PTK7: variants seen among roughly 807,000 people sequenced by gnomAD.
PTK7 encodes the protein protein tyrosine kinase 7 (inactive), also known as inactive tyrosine-protein kinase 7.
Under a neutral mutation model 116.6 loss-of-function variants are expected in PTK7, and 39 were observed. The observed-to-expected ratio is 0.33, with a 90% CI of 0.26 to 0.44. The LOEUF is 0.44. Among genes scored for constraint, PTK7 ranks in the 20% least tolerant of loss-of-function variants. PTK7 has a pLI of 1.00. For synonymous variants in PTK7, 546 were observed against 563.6 expected (o/e 0.97, Z 0.44); for missense variants, 1,169 against 1,425.6 (o/e 0.82, Z 2.90).
At chr6:43,138,622 A>T in intron 7 of PTK7, 1 of 461,206 alleles carries the variant, frequency 2.2e-6, no homozygotes, top group Non-Finnish European at 3.8e-6. Context: ...TAATTGTGTC[A>T]CTCTACTCCA....
Position 43,145,239 on chromosome 6 carries a change from A to G in PTK7, c.2447A>G (p.Gln816Arg). 1 of 1,613,196 alleles carries G rather than the reference A, an allele frequency of 6.2e-7. No homozygotes were observed. The highest frequency in any genetic ancestry group is 8.5e-7 in the Non-Finnish European group (1 of 1,179,398). The change falls in exon 16 of 20, where the codon CAG (glutamine) becomes CGG (arginine). Residue 816 changes from glutamine to arginine, a missense_variant. By Grantham distance (43) the Gln-to-Arg change is conservative. This residue lies in a region of PTK7 where 678 missense variants were observed against 853.8 expected (regional missense o/e 0.79). Coordinates refer to ENST00000230419, the MANE Select transcript of PTK7 (RefSeq NM_002821.5). The surrounding 1 kb of genome is among the most constrained non-coding windows in gnomAD (Gnocchi z 4.8). ...GGGGAGGTGTTCCTGGCAAAGGCTC[A>G]GGGCTTGGAGGAGGGAGTGGCAGAG... The part of the protein sequence containing the change: ...EFGEVFLAKA[Q>R]GLEEGVAETL...
Position 43,143,730 on chromosome 6 carries a change from G to A in PTK7, c.2251+110G>A, listed in dbSNP as rs1186173082. 10 of 1,232,940 alleles carry A rather than the reference G, an allele frequency of 8.1e-6. No individual in the cohort carries two copies. The highest frequency in any genetic ancestry group is 8.9e-6 in the Non-Finnish European group (8 of 902,122). 76.4% of individuals were successfully genotyped at this position (1,232,940 alleles called of 1,614,324 possible). On this transcript the variant is annotated intron_variant, in intron 14 of 19. Coordinates refer to ENST00000230419, the MANE Select transcript of PTK7 (RefSeq NM_002821.5). This position sits in a 1 kb window ranked among gnomAD's most constrained non-coding sequence, Gnocchi z 4.2. Reference sequence around the variant, plus strand: ...TCTGGAAACCGAGCGGCTGTTGCTGGGTCCTGGAGCTGGGACTGCCCCACC... The same window carrying A: ...TCTGGAAACCGAGCGGCTGTTGCTGAGTCCTGGAGCTGGGACTGCCCCACC...
intron 17 of PTK7, among the ~76,000 whole-genome samples, chr6:43,157,271 G>A (rs1343057451): frequency 7.4e-6 from 1 of 135,270 alleles, no homozygotes; most frequent in African/African-American, 2.8e-5. Context: ...AGTCATATGG[G>A]TCTATATGCC....
Position 43,131,420 on chromosome 6 carries a change from G to A in PTK7, c.813-596G>A, listed in dbSNP as rs901402426. On this transcript the variant is annotated intron_variant, in intron 5 of 19. Transcript: ENST00000230419. ...TAATGCTGCTGATAAAGACATACCC[G>A]AGACTGAGCAGTTTACAAAAGAAAG... 7.2e-5 allele frequency among the ~76,000 whole-genome samples: 11 copies of A among 152,286 alleles called. 1 individual carries two copies. The highest frequency in any genetic ancestry group is 2.4e-4 in the African/African-American group (10 of 41,552).
intron 1 of PTK7, among the ~76,000 whole-genome samples, chr6:43,111,698 T>G (rs1377057118): frequency 1.3e-5 from 2 of 152,198 alleles, no homozygotes; most frequent in Admixed American, 6.5e-5. Context: ...GGTCTCACTC[T>G]GTCACACAGG....
At chr6:43,085,256 C>T (rs1766588392) in intron 1 of PTK7, among the ~76,000 whole-genome samples, 2 of 152,104 alleles carry the variant, frequency 1.3e-5, no homozygotes, top group Admixed American at 6.5e-5. Flanking sequence ...CAGCCGTTTC[C>T]TTTTGAGGGG....
chr6:43,089,671 G>T (rs188534748), intron 1 of PTK7, among the ~76,000 whole-genome samples: 225 of 152,250 alleles, frequency 1.5e-3, no homozygotes, highest in South Asian at 3.3e-3. Context: ...TTCTGCCCAC[G>T]ATCTGAGCTC....
intron 17 of PTK7, among the ~76,000 whole-genome samples, chr6:43,154,420 T>C (rs939056956): frequency 1.3e-5 from 2 of 152,194 alleles, no homozygotes; most frequent in African/African-American, 4.8e-5. Flanking sequence ...CCATTGTTTT[T>C]AAAAAACTTT....
chr6:43,098,065 T>C (rs1411014129), intron 1 of PTK7, among the ~76,000 whole-genome samples: 1 of 152,162 alleles, frequency 6.6e-6, no homozygotes, highest in African/African-American at 2.4e-5. Context: ...AATATCCGCC[T>C]CATGGGTTAC....
At chr6:43,113,586 G>A (rs1193931466) in intron 1 of PTK7, among the ~76,000 whole-genome samples, 1 of 152,172 alleles carries the variant, frequency 6.6e-6, no homozygotes, top group Non-Finnish European at 1.5e-5. Flanking sequence ...CTCACAGTCA[G>A]AGCCCGGGCC....
chr6:43,135,835 A>T (rs1770001721), intron 7 of PTK7, among the ~76,000 whole-genome samples: 1 of 152,206 alleles, frequency 6.6e-6, no homozygotes, highest in Non-Finnish European at 1.5e-5. Context: ...CAGGTGGATC[A>T]CTTGAGGTCA....
intron 1 of PTK7, among the ~76,000 whole-genome samples, chr6:43,114,775 G>A (rs1248683411): frequency 6.6e-6 from 1 of 151,988 alleles, no homozygotes; most frequent in African/African-American, 2.4e-5. Flanking sequence ...CAAGATTTTG[G>A]TGCTTTTAAA....
chr6:43,121,120 T>C (rs1768936399), intron 1 of PTK7, among the ~76,000 whole-genome samples: 1 of 150,932 alleles, frequency 6.6e-6, no homozygotes, highest in Admixed American at 6.6e-5. Flanking sequence ...AGGGATCCTC[T>C]TGCCTCATCC....
At position 43,141,931 on chromosome 6, in the gene PTK7, T is replaced by A; in HGVS notation, c.1769T>A (p.Val590Asp). 1 of 1,601,608 alleles carries A rather than the reference T, an allele frequency of 6.2e-7. No individual in the cohort carries two copies. Residue 590 changes from valine (V) to aspartate (D), a missense_variant and splice_region_variant, in exon 12 of 20, where the codon GTT becomes GAT. Physicochemically the swap from Val to Asp is radical, Grantham distance 152. This residue lies in a region of PTK7 where 678 missense variants were observed against 853.8 expected (regional missense o/e 0.79). Transcript: ENST00000230419. The surrounding 1 kb of genome is among the most constrained non-coding windows in gnomAD (Gnocchi z 4.9). Reference sequence around the variant, plus strand: ...GCCTCGCTGGTCTCTTTTCTTCCAGTTTTTATCACCTTCAAAGTGGAACCA... The same window carrying A: ...GCCTCGCTGGTCTCTTTTCTTCCAGATTTTATCACCTTCAAAGTGGAACCA... Reference protein sequence around the residue: ...IRAHVQLTVAVFITFKVEPER... With the variant: ...IRAHVQLTVADFITFKVEPER...
chr6:43,082,255 A>T (rs1766421484), intron 1 of PTK7, among the ~76,000 whole-genome samples: 1 of 152,108 alleles, frequency 6.6e-6, no homozygotes, highest in South Asian at 2.1e-4. Flanking sequence ...GGCTCACTGC[A>T]ACCTCCACCT....
intron 1 of PTK7, among the ~76,000 whole-genome samples, chr6:43,118,749 A>ATGTGTGTGTGTGTGTG (rs58128834): frequency 8.4e-6 from 1 of 118,738 alleles, no homozygotes; most frequent in Non-Finnish European, 1.8e-5. Context: ...ATGTGTGTGT[A>ATGTGTGTGTGTGTGTG]TGTGTGTGTG....
rs1770268520 is a variant in PTK7, at chr6:43,139,626, G to C, written c.1618+101G>C. The C allele has an allele frequency of 1.3e-6, 2 of 1,534,280 alleles. No homozygotes were observed. Among genetic ancestry groups the C allele is most frequent in the African/African-American group, 2.7e-5 (2 of 73,106 alleles). On this transcript the variant is annotated intron_variant, in intron 10 of 19. Transcript: ENST00000230419. The surrounding 1 kb of genome is among the most constrained non-coding windows in gnomAD (Gnocchi z 4.6). ...TGCCCCGCACTGTGCCAGGAAATGT[G>C]GAGATTAGACAAGCAGTGCAGGGCT...
rs371483153 is a variant in PTK7, at chr6:43,141,822, G to A, written c.1768+5G>A. ...ATGTCCAGCTCACTGTGGCAGGTGC[G>A]ACCGTGGCAGGGCCCTGGGGCTGGG... On this transcript the variant is annotated splice_donor_5th_base_variant and intron_variant, in intron 11 of 19. Coordinates refer to ENST00000230419, the MANE Select transcript of PTK7 (RefSeq NM_002821.5). The surrounding 1 kb of genome is among the most constrained non-coding windows in gnomAD (Gnocchi z 4.9). 30 of 1,612,610 alleles carry A rather than the reference G, an allele frequency of 1.9e-5. 1 individual carries two copies. Among genetic ancestry groups the A allele is most frequent in the Middle Eastern group, 3.3e-4 (2 of 6,078 alleles).
intron 7 of PTK7, among the ~76,000 whole-genome samples, chr6:43,135,046 T>C (rs1769945143): frequency 6.6e-6 from 1 of 151,918 alleles, no homozygotes; most frequent in Non-Finnish European, 1.5e-5. Context: ...GCTCTAGGGG[T>C]GGGACCCAGG....
Sources: gnomAD v4.1 joint callset for allele counts (sites outside exome capture counted in the v4.1 genomes callset) on GRCh38, gnomAD v4.1.1 for gene constraint, gnomAD v4.1.1 regional missense constraint, Gnocchi (gnomAD v3.1) non-coding constraint, MANE v1.5 for transcripts, NCBI Gene and HGNC (gene_info 2026-07-23, HGNC 2026-07-21) for gene names.